The following GALNTL6 variants were observed in gnomAD, a reference collection of about 807,000 sequenced individuals.
The protein encoded by GALNTL6 is polypeptide N-acetylgalactosaminyltransferase-like 6.
In GALNTL6, 46 loss-of-function variants were observed where a neutral mutation model predicts 73.7. The ratio of observed to expected loss-of-function variants is 0.62; its 90% CI spans 0.49 to 0.80. The LOEUF (loss-of-function observed/expected upper bound fraction) is 0.80. GALNTL6 is among the 30% of genes least tolerant of loss of function. The pLI is 0.00. For missense variants in GALNTL6, 604 were observed against 755.0 expected, an observed-to-expected ratio of 0.80 and a Z score of 2.34; for synonymous variants, 259 against 263.7, an observed-to-expected ratio of 0.98 and a Z score of 0.17.
At chr4:171,919,545 C>T (rs1229348493) in intron 2 of GALNTL6, among the ~76,000 whole-genome samples, 3 of 152,046 alleles carry the variant, frequency 2.0e-5, no homozygotes, top group African/African-American at 7.2e-5. Context: ...TCAGGAAGCA[C>T]ACATTGACCA....
Position 172,057,727 on chromosome 4 carries a change from A to AATAT in GALNTL6, c.139-171901_139-171898dup, listed in dbSNP as rs147660032. On this transcript the variant is annotated intron_variant, in intron 2 of 12. Coordinates refer to ENST00000506823, the MANE Select transcript of GALNTL6 (RefSeq NM_001034845.3). ...AAAAAAAAAAAAAAAAAAAAAAAAA[A>AATAT]ATATATATATATATATATATATATA... Among the ~76,000 whole-genome samples, 246 of 46,104 alleles carry AATAT rather than the reference A, an allele frequency of 5.3e-3. 3 individuals carry two copies. In the Middle Eastern group the frequency reaches 0.065, roughly 12 times the overall value. 30.2% of individuals were successfully genotyped at this position (46,104 alleles called of 152,430 possible).
chr4:172,714,802 G>T (rs146548805), intron 5 of GALNTL6, among the ~76,000 whole-genome samples: 1 of 152,062 alleles, frequency 6.6e-6, no homozygotes, highest in African/African-American at 2.4e-5. Context: ...ATGGGTGAGC[G>T]TAAGGGCTAT....
At chr4:172,060,084 C>A (rs1356145067) in intron 2 of GALNTL6, among the ~76,000 whole-genome samples, 1 of 152,086 alleles carries the variant, frequency 6.6e-6, no homozygotes, top group African/African-American at 2.4e-5. Flanking sequence ...TGTTCTTTTT[C>A]TTTTTTTCTT....
At chr4:172,142,401 C>T (rs1733824711) in intron 2 of GALNTL6, among the ~76,000 whole-genome samples, 5 of 152,168 alleles carry the variant, frequency 3.3e-5, no homozygotes, top group Middle Eastern at 3.4e-3. Flanking sequence ...CTTCCTCCAC[C>T]ATATTGCACT....
rs1303314164 is a variant in GALNTL6, at chr4:172,676,148, AC to A, written c.554-133212del. On this transcript the variant is annotated intron_variant, in intron 5 of 12. Coordinates refer to ENST00000506823, the MANE Select transcript of GALNTL6 (RefSeq NM_001034845.3). ...TCATGGTCTGATGCTTTTAAATTAA[AC>A]TTTTATTACTTAGCCATGTAAAGTA... Among the ~76,000 whole-genome samples the A allele has an allele frequency of 2.0e-5, 3 of 152,204 alleles. No individual in the cohort carries two copies. The East Asian group carries it at 5.8e-4, about 29-fold the overall frequency.
At chr4:172,087,698 T>G (rs2110934436) in intron 2 of GALNTL6, among the ~76,000 whole-genome samples, 1 of 152,068 alleles carries the variant, frequency 6.6e-6, no homozygotes, top group Non-Finnish European at 1.5e-5. Context: ...ACTTGATTTT[T>G]TTTACAAGGA....
intron 5 of GALNTL6, among the ~76,000 whole-genome samples, chr4:172,366,755 C>T (rs1230346656): frequency 2.0e-5 from 3 of 152,166 alleles, no homozygotes; most frequent in African/African-American, 7.2e-5. Context: ...AAAGACATGT[C>T]TGTCTGGTTA....
At chr4:172,689,930 T>C (rs908506930) in intron 5 of GALNTL6, among the ~76,000 whole-genome samples, 5 of 152,092 alleles carry the variant, frequency 3.3e-5, no homozygotes, top group African/African-American at 1.2e-4. Flanking sequence ...AACCAGGATA[T>C]AAAGTATACA....
rs549385447 is a variant in GALNTL6, at chr4:172,208,229, T to C, written c.139-21427T>C. ...CTTTTCCCCAGCAAGTTTAAAGTTA[T>C]TGAAAGCATACCTTTCCATTATTTT... On this transcript the variant is annotated intron_variant, in intron 2 of 12. Transcript: ENST00000506823. 5.5e-4 allele frequency among the ~76,000 whole-genome samples: 84 copies of C among 152,344 alleles called. 1 individual carries two copies. Among genetic ancestry groups the C allele is most frequent in the African/African-American group, 2.0e-3 (84 of 41,588 alleles).
At chr4:172,286,838 A>AAAT (rs893781242) in intron 3 of GALNTL6, among the ~76,000 whole-genome samples, 1 of 152,186 alleles carries the variant, frequency 6.6e-6, no homozygotes, top group Non-Finnish European at 1.5e-5. Flanking sequence ...AAAATTTTAA[A>AAAT]AATAAATTCC....
intron 5 of GALNTL6, among the ~76,000 whole-genome samples, chr4:172,389,694 C>A (rs970465763): frequency 6.6e-6 from 1 of 151,962 alleles, no homozygotes; most frequent in Non-Finnish European, 1.5e-5. Context: ...AGTTTTATTT[C>A]TTAATCAATA....
Position 171,906,725 on chromosome 4 carries a change from C to G in GALNTL6, c.138+92007C>G, listed in dbSNP as rs1382003857. Among the ~76,000 whole-genome samples the G allele has an allele frequency of 4.6e-5, 7 of 152,276 alleles. No homozygotes were observed. The East Asian group carries it at 1.3e-3, about 29-fold the overall frequency. On this transcript the variant is annotated intron_variant, in intron 2 of 12. Coordinates refer to ENST00000506823, the MANE Select transcript of GALNTL6 (RefSeq NM_001034845.3). ...ATTTTAGACCAATATCCTTGATGAA[C>G]ATTGATGCAAAAATCCTGAATAAAA...
At chr4:172,746,149 AATT>A (rs1019391435) in intron 5 of GALNTL6, among the ~76,000 whole-genome samples, 1 of 152,012 alleles carries the variant, frequency 6.6e-6, no homozygotes, top group African/African-American at 2.4e-5. Flanking sequence ...TATTATAGGC[AATT>A]ATTATTATTA....
At chr4:172,497,738 G>T (rs1275044526) in intron 5 of GALNTL6, among the ~76,000 whole-genome samples, 2 of 152,100 alleles carry the variant, frequency 1.3e-5, no homozygotes, top group African/African-American at 4.8e-5. Context: ...GAATCACTGT[G>T]GTCATTATTT....
intron 5 of GALNTL6, among the ~76,000 whole-genome samples, chr4:172,570,340 T>G (rs939779510): frequency 2.0e-5 from 3 of 152,078 alleles, no homozygotes; most frequent in African/African-American, 7.2e-5. Flanking sequence ...TGGGGCTAGT[T>G]CCAGAGAAAA....
intron 10 of GALNTL6, among the ~76,000 whole-genome samples, chr4:172,996,778 C>A (rs922959836): frequency 6.6e-6 from 1 of 152,164 alleles, no homozygotes; most frequent in African/African-American, 2.4e-5. Flanking sequence ...GAGCTACTTT[C>A]CAGTGAACTG....
chr4:172,547,074 C>A (rs1199114509), intron 5 of GALNTL6, among the ~76,000 whole-genome samples: 1 of 151,746 alleles, frequency 6.6e-6, no homozygotes, highest in Non-Finnish European at 1.5e-5. Context: ...TACTTATCAA[C>A]AAAACTATTA....
intron 5 of GALNTL6, among the ~76,000 whole-genome samples, chr4:172,442,352 G>A (rs180801388): frequency 2.0e-5 from 3 of 152,168 alleles, no homozygotes; most frequent in Admixed American, 2.0e-4. Flanking sequence ...CACTTCTTCT[G>A]GGGGGAGTGA....
chr4:171,848,747 C>A (rs1004369895), intron 2 of GALNTL6, among the ~76,000 whole-genome samples: 3 of 152,176 alleles, frequency 2.0e-5, no homozygotes, highest in African/African-American at 7.2e-5. Flanking sequence ...TCCTTCATAG[C>A]ATTGTAGAGA....
Sources: gnomAD v4.1 joint callset for allele counts (sites outside exome capture counted in the v4.1 genomes callset) on GRCh38, gnomAD v4.1.1 for gene constraint, MANE v1.5 for transcripts, NCBI Gene and HGNC (gene_info 2026-07-23, HGNC 2026-07-21) for gene names.